The following XPR1 variants were observed in gnomAD, a reference collection of about 807,000 sequenced individuals.
XPR1 encodes solute carrier family 53 member 1.
A neutral mutation model predicts 87.5 loss-of-function variants in XPR1; 28 were observed. That is an observed-to-expected ratio of 0.32 (90% CI 0.24 to 0.44). The LOEUF is 0.44. Ranked by LOEUF, XPR1 falls within the 20% of genes least tolerant of loss-of-function variation. The probability of loss-of-function intolerance (pLI) is 1.00; values close to 1 mark genes in which losing one functional copy is unlikely to be tolerated. For missense variants in XPR1, 559 were observed against 862.3 expected (o/e 0.65, Z 4.41); for synonymous variants, 300 against 306.1 (o/e 0.98, Z 0.21).
At chr1:180,741,732 C>T (rs1658930783) in intron 2 of XPR1, among the ~76,000 whole-genome samples, 2 of 152,130 alleles carry the variant, frequency 1.3e-5, no homozygotes, top group Non-Finnish European at 2.9e-5. Context: ...GGTGATCTGC[C>T]CACCTCAGCC....
intron 14 of XPR1, among the ~76,000 whole-genome samples, chr1:180,881,769 G>A (rs1159220759): frequency 2.0e-5 from 3 of 152,296 alleles, no homozygotes; most frequent in East Asian, 3.9e-4. Context: ...AGATTTGGAA[G>A]TTCTCTGAAG....
At chr1:180,839,925 AAAG>A (rs1651442678) in intron 11 of XPR1, among the ~76,000 whole-genome samples, 1 of 152,226 alleles carries the variant, frequency 6.6e-6, no homozygotes, top group South Asian at 2.1e-4. Context: ...CATCTCTGGT[AAAG>A]AAGTGTTGCC....
chr1:180,661,651 C>T (rs1655784054), intron 1 of XPR1, among the ~76,000 whole-genome samples: 1 of 152,024 alleles, frequency 6.6e-6, no homozygotes, highest in Non-Finnish European at 1.5e-5. Flanking sequence ...GGGCAGATCA[C>T]CTGAGGTCAG....
chr1:180,822,850 A>C (rs185800150), intron 7 of XPR1, among the ~76,000 whole-genome samples: 1 of 152,352 alleles, frequency 6.6e-6, no homozygotes, highest in African/African-American at 2.4e-5. Context: ...ATTCCAAAGC[A>C]AAGGCTTTCT....
intron 9 of XPR1, among the ~76,000 whole-genome samples, chr1:180,828,979 T>G (rs1206911157): frequency 2.6e-5 from 4 of 152,102 alleles, no homozygotes; most frequent in Admixed American, 1.3e-4. Flanking sequence ...GGAGGATCGC[T>G]TAAGCCCAGG....
chr1:180,696,080 T>A (rs1005950106), intron 2 of XPR1, among the ~76,000 whole-genome samples: 2 of 151,692 alleles, frequency 1.3e-5, no homozygotes, highest in Non-Finnish European at 2.9e-5. Flanking sequence ...TATCTTTCTG[T>A]TTGTGTTGTC....
chr1:180,645,142 G>A (rs1053191560), intron 1 of XPR1, among the ~76,000 whole-genome samples: 2 of 152,212 alleles, frequency 1.3e-5, no homozygotes, highest in Non-Finnish European at 2.9e-5. Flanking sequence ...TAAGTCCACC[G>A]TCATTTGTGA....
rs188501466 is a variant in XPR1 at position 180,888,499 on chromosome 1, C to A, written c.*4433C>A. The A allele has an allele frequency of 9.9e-5, 15 of 152,002 alleles. No homozygotes were observed. The highest frequency in any genetic ancestry group is 5.2e-4 in the Admixed American group (8 of 15,248). The allele number at this position is 152,002 out of a possible 1,614,324, so 9.4% of individuals were successfully genotyped here. Reference sequence around the variant, plus strand: ...CAAAATCACCACACTTTTCTCAAATCTAATAGGAATTCAGTGTCATTACAG... The same window carrying A: ...CAAAATCACCACACTTTTCTCAAATATAATAGGAATTCAGTGTCATTACAG... On this transcript the variant is annotated 3_prime_UTR_variant, in exon 15 of 15. Transcript: ENST00000367590.
At chr1:180,882,739 T>G (rs1410883561) in intron 14 of XPR1, among the ~76,000 whole-genome samples, 1 of 152,214 alleles carries the variant, frequency 6.6e-6, no homozygotes, top group Non-Finnish European at 1.5e-5. Flanking sequence ...ACTATAACTT[T>G]AACAATTTGA....
intron 2 of XPR1, among the ~76,000 whole-genome samples, chr1:180,711,804 C>T (rs1165965143): frequency 3.3e-5 from 5 of 152,256 alleles, no homozygotes; most frequent in East Asian, 1.9e-4. Flanking sequence ...AAGATTTTCT[C>T]CTCTGTTTGC....
At chr1:180,760,999 AAAAC>A (rs1278162605) in intron 2 of XPR1, among the ~76,000 whole-genome samples, 5 of 152,172 alleles carry the variant, frequency 3.3e-5, no homozygotes, top group Non-Finnish European at 1.5e-5. Flanking sequence ...AAACCTGACA[AAAAC>A]AAGCAATGGG....
At chr1:180,762,312 A>G (rs981446125) in intron 2 of XPR1, among the ~76,000 whole-genome samples, 3 of 152,120 alleles carry the variant, frequency 2.0e-5, no homozygotes, top group African/African-American at 4.8e-5. Context: ...CAAATTATGT[A>G]TGTATATTTT....
intron 1 of XPR1, among the ~76,000 whole-genome samples, chr1:180,658,206 C>T (rs1655605804): frequency 6.6e-6 from 1 of 152,086 alleles, no homozygotes; most frequent in Admixed American, 6.5e-5. Context: ...TTAGGTTTTT[C>T]CAATTATAAG....
intron 1 of XPR1, among the ~76,000 whole-genome samples, chr1:180,646,772 G>T (rs1571674278): frequency 6.6e-6 from 1 of 152,220 alleles, no homozygotes; most frequent in East Asian, 1.9e-4. Context: ...AGGCGTGGGT[G>T]GAAGTAGTAA....
chr1:180,664,213 C>T (rs1309345075), intron 1 of XPR1, among the ~76,000 whole-genome samples: 1 of 152,136 alleles, frequency 6.6e-6, no homozygotes, highest in Non-Finnish European at 1.5e-5. Context: ...GTGGTCCCTC[C>T]TCATAGCCAC....
At chr1:180,698,597 C>T (rs1375472916) in intron 2 of XPR1, among the ~76,000 whole-genome samples, 1 of 152,042 alleles carries the variant, frequency 6.6e-6, no homozygotes, top group Non-Finnish European at 1.5e-5. Flanking sequence ...ATCTGCTGTA[C>T]CAGTGAATTT....
intron 11 of XPR1, among the ~76,000 whole-genome samples, chr1:180,863,382 CA>C (rs1652280259): frequency 6.6e-6 from 1 of 152,060 alleles, no homozygotes; most frequent in Non-Finnish European, 1.5e-5. Flanking sequence ...CACCTGATGG[CA>C]AAAGTTAAAA....
At chr1:180,687,693 C>CT (rs1656833977) in intron 2 of XPR1, among the ~76,000 whole-genome samples, 1 of 152,070 alleles carries the variant, frequency 6.6e-6, no homozygotes, top group South Asian at 2.1e-4. Flanking sequence ...TTGTTTCGTC[C>CT]TTTGAGAGTG....
intron 11 of XPR1, among the ~76,000 whole-genome samples, chr1:180,841,772 T>C (rs1284367205): frequency 6.6e-6 from 1 of 152,202 alleles, no homozygotes; most frequent in East Asian, 1.9e-4. Context: ...CCATTGGTTA[T>C]ATATCTTAAT....
Sources: allele counts gnomAD v4.1 joint callset (sites outside exome capture counted in the v4.1 genomes callset), GRCh38; gene constraint gnomAD v4.1.1; transcripts MANE v1.5; gene names NCBI Gene and HGNC (gene_info 2026-07-23, HGNC 2026-07-21).